FOXP2: variants seen among roughly 807,000 people sequenced by gnomAD.
The protein encoded by FOXP2 is forkhead box protein P2.
In FOXP2, 12 loss-of-function variants were observed where a neutral mutation model predicts 115.8. The ratio of observed to expected loss-of-function variants is 0.10; its 90% confidence interval spans 0.07 to 0.17. The LOEUF (loss-of-function observed/expected upper bound fraction) is 0.17, where lower values mean the gene tolerates loss of function less well. FOXP2 is among the 10% of genes least tolerant of loss of function. The pLI, the probability that FOXP2 is intolerant of heterozygous loss-of-function variation, is 1.00. For missense variants in FOXP2, 629 were observed against 843.5 expected (o/e 0.75, Z 3.15); for synonymous variants, 328 against 297.7 (o/e 1.10, Z -1.05).
chr7:114,556,477 T>G (rs1453304489), intron 3 of FOXP2, among the ~76,000 whole-genome samples: 1 of 152,182 alleles, frequency 6.6e-6, no homozygotes, highest in Non-Finnish European at 1.5e-5. Flanking sequence ...TGCTCCCCCC[T>G]AAGGAGTAAA....
chr7:114,650,246 A>C (rs927915185), intron 8 of FOXP2, among the ~76,000 whole-genome samples: 2 of 152,132 alleles, frequency 1.3e-5, no homozygotes, highest in South Asian at 4.1e-4. Flanking sequence ...TCATTTTAAA[A>C]AGTGATTTCA....
intron 16 of FOXP2, among the ~76,000 whole-genome samples, chr7:114,685,131 A>C (rs1193098325): frequency 6.6e-6 from 1 of 152,154 alleles, no homozygotes; most frequent in Non-Finnish European, 1.5e-5. Flanking sequence ...TTATGTGCAG[A>C]TCTTTCCCCC....
chr7:114,497,916 G>A (rs986801553), intron 2 of FOXP2, among the ~76,000 whole-genome samples: 16 of 152,172 alleles, frequency 1.1e-4, no homozygotes, highest in Admixed American at 9.8e-4. Context: ...TAGATGATGA[G>A]ATTCAGATTA....
intron 1 of FOXP2, among the ~76,000 whole-genome samples, chr7:114,280,187 A>T (rs1313123477): frequency 6.6e-6 from 1 of 152,012 alleles, no homozygotes; most frequent in Non-Finnish European, 1.5e-5. Context: ...TGAGCCCTCA[A>T]CTGAGCACAT....
chr7:114,642,812 A>ATATATTTTTTTT (rs1308357594), intron 7 of FOXP2, among the ~76,000 whole-genome samples, 189 bp downstream of exon 7: 2 of 72,428 alleles, frequency 2.8e-5, no homozygotes, highest in Admixed American at 2.0e-4. Flanking sequence ...ATATATATAT[A>ATATATTTTTTTT]TTTTTTTTTT....
chr7:114,326,709 A>G (rs187365638), intron 2 of FOXP2, among the ~76,000 whole-genome samples: 23 of 152,304 alleles, frequency 1.5e-4, no homozygotes, highest in Non-Finnish European at 2.5e-4. Context: ...TTTTTCTCTG[A>G]GCATGGCCAT....
At chr7:114,658,535 A>G (rs1182803764) in intron 11 of FOXP2, among the ~76,000 whole-genome samples, 6 of 152,174 alleles carry the variant, frequency 3.9e-5, no homozygotes, top group Non-Finnish European at 8.8e-5. Context: ...ACCTCAATTC[A>G]ATGAGATCCT....
At chr7:114,453,221 A>G (rs1795144444) in intron 2 of FOXP2, among the ~76,000 whole-genome samples, 1 of 152,124 alleles carries the variant, frequency 6.6e-6, no homozygotes, top group African/African-American at 2.4e-5. Flanking sequence ...TTGCATATAA[A>G]TTAAGAGATT....
intron 2 of FOXP2, among the ~76,000 whole-genome samples, chr7:114,352,548 C>T (rs144404957): frequency 6.6e-6 from 1 of 152,144 alleles, no homozygotes; most frequent in Non-Finnish European, 1.5e-5. Context: ...AGCTTAACAA[C>T]ACAATTTTAA....
intron 2 of FOXP2, among the ~76,000 whole-genome samples, chr7:114,324,115 CT>C (rs1562870966): frequency 6.6e-6 from 1 of 151,782 alleles, no homozygotes; most frequent in Non-Finnish European, 1.5e-5. Flanking sequence ...TCACTAGGAC[CT>C]TTTTTTCTTT....
chr7:114,438,473 T>C (rs542255666), intron 2 of FOXP2, among the ~76,000 whole-genome samples: 13 of 152,008 alleles, frequency 8.6e-5, no homozygotes, highest in Admixed American at 6.6e-4. Context: ...TGCCTATCCT[T>C]AAAGTCATAT....
chr7:114,434,320 A>G (rs904681141), intron 2 of FOXP2, among the ~76,000 whole-genome samples: 6 of 151,202 alleles, frequency 4.0e-5, no homozygotes, highest in Non-Finnish European at 7.4e-5. Flanking sequence ...AGAAATCCTT[A>G]TTTTGGTTCT....
intron 2 of FOXP2, among the ~76,000 whole-genome samples, chr7:114,444,482 TA>T (rs1217376101): frequency 6.6e-6 from 1 of 152,178 alleles, no homozygotes; most frequent in African/African-American, 2.4e-5. Flanking sequence ...AGTTTTCTGC[TA>T]AGCCATGTTA....
intron 2 of FOXP2, among the ~76,000 whole-genome samples, chr7:114,296,840 A>G (rs1796751862): frequency 6.6e-6 from 1 of 152,212 alleles, no homozygotes; most frequent in Admixed American, 6.5e-5. Context: ...GAACTTGCTG[A>G]TTAAAGGCAG....
intron 6 of FOXP2, among the ~76,000 whole-genome samples, chr7:114,640,631 C>G (rs1211438976): frequency 6.6e-6 from 1 of 152,138 alleles, no homozygotes; most frequent in Admixed American, 6.6e-5. Context: ...ATTCTTCTCA[C>G]CATCATATTC....
At chr7:114,378,136 T>A (rs4730634) in intron 2 of FOXP2, among the ~76,000 whole-genome samples, 67,297 of 151,964 alleles carry the variant, frequency 0.44, 16,337 homozygotes, top group East Asian at 0.62. Flanking sequence ...AATTGTTTGA[T>A]AACTCTTCAC....
chr7:114,460,714 T>G lies in FOXP2; in HGVS notation c.168+34035T>G, dbSNP rs1795523704. 3.9e-5 allele frequency among the ~76,000 whole-genome samples: 6 copies of G among 152,252 alleles called. No individual in the cohort carries two copies. The South Asian group carries it at 1.2e-3, about 31-fold the overall frequency. On this transcript the variant is annotated intron_variant, in intron 2 of 16. Coordinates refer to ENST00000350908, the MANE Select transcript of FOXP2 (RefSeq NM_014491.4). Reference sequence around the variant, plus strand: ...TTAATTGTTTAGCATTATTTCCTTGTTCTCCTTCCTTAGTTCTCTCACAAA... The same window carrying G: ...TTAATTGTTTAGCATTATTTCCTTGGTCTCCTTCCTTAGTTCTCTCACAAA...
chr7:114,663,026 A>C (rs1806959459), intron 14 of FOXP2, among the ~76,000 whole-genome samples: 1 of 152,168 alleles, frequency 6.6e-6, no homozygotes, highest in African/African-American at 2.4e-5. Flanking sequence ...TTAATTAACT[A>C]TGGTAATTTG....
intron 1 of FOXP2, among the ~76,000 whole-genome samples, chr7:114,286,044 A>T (rs146927286): frequency 3.9e-5 from 6 of 151,944 alleles, no homozygotes; most frequent in East Asian, 3.9e-4. Flanking sequence ...TTTTTTCTTA[A>T]TAACTTCTTT....
Sources: allele counts gnomAD v4.1 joint callset (sites outside exome capture counted in the v4.1 genomes callset), GRCh38; gene constraint gnomAD v4.1.1; transcripts MANE v1.5; gene names NCBI Gene and HGNC (gene_info 2026-07-23, HGNC 2026-07-21).